The following TG variants were observed in gnomAD, a reference collection of about 807,000 sequenced individuals.
TG encodes the protein thyroid hormones.
In TG, 270 loss-of-function variants were observed where a neutral mutation model predicts 324.7. The ratio of observed to expected loss-of-function variants is 0.83; its 90% CI spans 0.75 to 0.92. The LOEUF (loss-of-function observed/expected upper bound fraction) is 0.92. TG is among the 40% of genes least tolerant of loss of function. The probability of loss-of-function intolerance (pLI) is 0.00; values close to 1 mark genes in which losing one functional copy is unlikely to be tolerated. For synonymous variants in TG, 1,401 were observed against 1,327.0 expected (o/e 1.06, Z -1.21); for missense variants, 3,591 against 3,456.4 (o/e 1.04, Z -0.98).
chr8:132,975,842 A>G (rs961575481), intron 34 of TG, among the ~76,000 whole-genome samples: 4 of 152,204 alleles, frequency 2.6e-5, no homozygotes, highest in Admixed American at 2.0e-4. Flanking sequence ...ATTGAAGGTG[A>G]AAAAGCCATG....
intron 27 of TG, among the ~76,000 whole-genome samples, chr8:132,952,308 A>G (rs1206680157): frequency 6.6e-6 from 1 of 152,190 alleles, no homozygotes; most frequent in Admixed American, 6.5e-5. Context: ...GCTGGGAGTG[A>G]AAATGCCTGG....
chr8:133,031,360 C>A (rs1001264890), intron 41 of TG, among the ~76,000 whole-genome samples: 1 of 152,196 alleles, frequency 6.6e-6, no homozygotes, highest in African/African-American at 2.4e-5. Flanking sequence ...TGTTTATCCA[C>A]TCATCTGTTG....
rs1480403713 is a variant in TG at position 132,972,756 on chromosome 8, C to T, written c.6199+15C>T. 2 of 1,614,032 alleles carry T rather than the reference C, an allele frequency of 1.2e-6. No individual in the cohort carries two copies. The highest frequency in any genetic ancestry group is 1.7e-6 in the Non-Finnish European group (2 of 1,179,950). ...CCAGAAGCCCAGTAAGTACCCTTCTCATGACAGCTATATGGACGTCTTTAG... is the reference window on the plus strand; with the variant it reads ...CCAGAAGCCCAGTAAGTACCCTTCTTATGACAGCTATATGGACGTCTTTAG... On this transcript the variant is annotated intron_variant, in intron 34 of 47. Coordinates refer to ENST00000220616, the MANE Select transcript of TG (RefSeq NM_003235.5).
rs116537236 is a variant in TG, at chr8:132,896,101, G to A, written c.3002-1548G>A. ...AAGGCCATGGGAGGAAATGCACACC[G>A]CTGTGTCTGGCAAGCACTTGGTGTT... On this transcript the variant is annotated intron_variant, in intron 11 of 47. Coordinates refer to ENST00000220616, the MANE Select transcript of TG (RefSeq NM_003235.5). Among the ~76,000 whole-genome samples the A allele has an allele frequency of 4.2e-3, 640 of 152,354 alleles. 3 individuals carry two copies. The highest frequency in any genetic ancestry group is 0.014 in the African/African-American group (577 of 41,580).
chr8:133,094,781 A>G (rs1848158915), intron 41 of TG: 1 of 550,794 alleles, frequency 1.8e-6, no homozygotes, highest in Non-Finnish European at 3.3e-6. Context: ...CTGCACAGCC[A>G]AGACTGAAGG....
At chr8:132,900,916 C>A (rs1483856726) in intron 15 of TG, among the ~76,000 whole-genome samples, 6 of 152,170 alleles carry the variant, frequency 3.9e-5, no homozygotes, top group African/African-American at 1.4e-4. Flanking sequence ...TCCACCTGTG[C>A]CTTCACGCGT....
At chr8:133,031,356 T>A (rs1168269232) in intron 41 of TG, among the ~76,000 whole-genome samples, 1 of 152,240 alleles carries the variant, frequency 6.6e-6, no homozygotes, top group Non-Finnish European at 1.5e-5. Flanking sequence ...ATTTTGTTTA[T>A]CCACTCATCT....
At chr8:133,045,170 C>G in intron 41 of TG, 1 of 1,599,926 alleles carries the variant, frequency 6.3e-7, no homozygotes, top group East Asian at 2.2e-5. Context: ...CCCCAAGGCA[C>G]CCAGCTAACC....
chr8:133,066,068 A>T (rs1842991261), intron 41 of TG, among the ~76,000 whole-genome samples: 1 of 152,156 alleles, frequency 6.6e-6, no homozygotes, highest in Non-Finnish European at 1.5e-5. Flanking sequence ...CATTATTTTT[A>T]AAAGCTGTTA....
chr8:133,019,909 T>C (rs959878932), intron 39 of TG, among the ~76,000 whole-genome samples: 1 of 152,204 alleles, frequency 6.6e-6, no homozygotes, highest in Non-Finnish European at 1.5e-5. Flanking sequence ...GTGGTGACCA[T>C]GGGCGTGTGC....
intron 35 of TG, among the ~76,000 whole-genome samples, chr8:132,986,411 T>TAC (rs1831558091): frequency 3.4e-5 from 1 of 29,276 alleles, no homozygotes; most frequent in Non-Finnish European, 7.8e-5. Context: ...TATGTATGTG[T>TAC]ATATATATAT....
intron 22 of TG, among the ~76,000 whole-genome samples, chr8:132,925,830 A>AG (rs1821793218): frequency 6.6e-6 from 1 of 152,132 alleles, no homozygotes; most frequent in Non-Finnish European, 1.5e-5. Flanking sequence ...TGCAGTTTGT[A>AG]GGGCATTTCA....
intron 41 of TG, chr8:133,048,502 T>A (rs910077862): frequency 1.3e-5 from 2 of 155,688 alleles, no homozygotes; most frequent in South Asian, 1.9e-4. Context: ...ATTACAGGCG[T>A]GAGCTACCGT....
intron 35 of TG, among the ~76,000 whole-genome samples, chr8:133,009,533 T>C (rs879414888): frequency 2.0e-5 from 3 of 152,070 alleles, no homozygotes; most frequent in Non-Finnish European, 4.4e-5. Flanking sequence ...ATTTTTTCTT[T>C]CTTTTTTTAA....
intron 37 of TG, among the ~76,000 whole-genome samples, chr8:133,014,334 T>C (rs1228399443): frequency 6.6e-6 from 1 of 152,220 alleles, no homozygotes; most frequent in Non-Finnish European, 1.5e-5. Flanking sequence ...ACGTGTCAGA[T>C]ACTGTGTTGG....
At chr8:133,000,288 G>A (rs1267473939) in intron 35 of TG, among the ~76,000 whole-genome samples, 3 of 152,166 alleles carry the variant, frequency 2.0e-5, no homozygotes, top group Non-Finnish European at 4.4e-5. Flanking sequence ...ATGACTCATT[G>A]GGGTAAACAG....
intron 43 of TG, among the ~76,000 whole-genome samples, chr8:133,100,458 C>G (rs1849069307): frequency 6.6e-6 from 1 of 152,190 alleles, no homozygotes; most frequent in African/African-American, 2.4e-5. Context: ...AAATTGCACA[C>G]AGCAGGCACA....
At chr8:133,056,696 G>A (rs1264544383) in intron 41 of TG, among the ~76,000 whole-genome samples, 1 of 152,210 alleles carries the variant, frequency 6.6e-6, no homozygotes, top group African/African-American at 2.4e-5. Context: ...AATCGAGTCT[G>A]CATATGTAAA....
At chr8:132,944,677 A>G (rs1009393504) in intron 26 of TG, among the ~76,000 whole-genome samples, 3 of 151,776 alleles carry the variant, frequency 2.0e-5, no homozygotes, top group South Asian at 2.1e-4. Flanking sequence ...TCCCACCCCC[A>G]CTGTTTCCAC....
Sources: gnomAD v4.1 joint callset for allele counts (sites outside exome capture counted in the v4.1 genomes callset) on GRCh38, gnomAD v4.1.1 for gene constraint, MANE v1.5 for transcripts, NCBI Gene and HGNC (gene_info 2026-07-23, HGNC 2026-07-21) for gene names.